The following ORC1 variants were observed in gnomAD, a reference collection of about 807,000 sequenced individuals.
ORC1 encodes origin recognition complex, subunit 1 homolog.
ORC1 carries 61 observed loss-of-function variants against 98.9 expected under a neutral mutation model. The observed-to-expected ratio is 0.62, with a 90% CI of 0.50 to 0.76. ORC1 has a LOEUF of 0.76. Among genes scored for constraint, ORC1 ranks in the 30% least tolerant of loss-of-function variants. ORC1 has a pLI of 0.00. For synonymous variants in ORC1, 385 were observed against 406.9 expected (o/e 0.95, Z 0.65); for missense variants, 979 against 1,072.2 (o/e 0.91, Z 1.21).
intron 15 of ORC1, 87 bp from the exon 16 acceptor site, chr1:52,374,984 T>C: frequency 1.2e-6 from 1 of 817,816 alleles, no homozygotes; most frequent in East Asian, 2.6e-5. Context: ...TCTGTGTCTT[T>C]AGAAAAGAGA....
chr1:52,397,686 C>T lies in ORC1; in HGVS notation c.401G>A (p.Arg134Gln), dbSNP rs774848454. Residue 134 changes from arginine to glutamine, a missense_variant and splice_region_variant, in exon 4 of 17, where the codon CGG becomes CAG. Arg to Gln is a conservative substitution (Grantham distance 43). Transcript: ENST00000371568. ...INAETIIGLV[R>Q]VIPLAPKDVV... ...ACCAAGGATGGTGGCATCACCTACC[C>T]GAACAAGGCCAATGATGGTCTCCGC... 6 of 1,614,066 alleles carry T rather than the reference C, an allele frequency of 3.7e-6. No homozygotes were observed. The highest frequency in any genetic ancestry group is 1.7e-6 in the Non-Finnish European group (2 of 1,179,950).
chr1:52,402,547 G>C (rs1462749730), intron 1 of ORC1, among the ~76,000 whole-genome samples: 2 of 152,178 alleles, frequency 1.3e-5, no homozygotes, highest in African/African-American at 4.8e-5. Flanking sequence ...AGAACAATAG[G>C]TGTAAAACAT....
chr1:52,379,259 T>C (rs891227426), intron 14 of ORC1, among the ~76,000 whole-genome samples: 32 of 149,898 alleles, frequency 2.1e-4, no homozygotes, highest in East Asian at 2.0e-3. Flanking sequence ...TTTTTTTTTT[T>C]CTGAGACGGA....
At chr1:52,409,310 T>C (rs1215628217), upstream of ORC1, among the ~76,000 whole-genome samples, 1 of 152,066 alleles carries the variant, frequency 6.6e-6, no homozygotes, top group Non-Finnish European at 1.5e-5. Flanking sequence ...CATTAAACAG[T>C]AGAAGGTTAA....
intron 13 of ORC1, 108 bp downstream of exon 13, chr1:52,383,312 G>C: frequency 7.4e-7 from 1 of 1,347,100 alleles, no homozygotes; most frequent in Admixed American, 1.7e-5. Flanking sequence ...GCCTCCCAAA[G>C]TGCGGGGTTT....
rs767264406 is a variant in ORC1, at chr1:52,373,231, G to A, written c.2536C>T (p.Arg846Trp). The change falls in exon 17 of 17, where the codon CGG becomes TGG. Residue 846 changes from arginine to tryptophan, a missense_variant. Transcript: ENST00000371568. ...ACATCATCCTGGCTGACGTTGAGCCGCACCCGAAGGAGCAGATCGTTCCTG... is the reference window on the plus strand; with the variant it reads ...ACATCATCCTGGCTGACGTTGAGCCACACCCGAAGGAGCAGATCGTTCCTG... The part of the protein sequence containing the change: ...PSRNDLLLRV[R>W]LNVSQDDVLY... The A allele has an allele frequency of 1.7e-5, 27 of 1,614,056 alleles. No homozygotes were observed. Among genetic ancestry groups the A allele is most frequent in the Admixed American group, 1.2e-4 (7 of 60,000 alleles).
At chr1:52,391,334 T>G (rs554921553) in intron 6 of ORC1, among the ~76,000 whole-genome samples, 2 of 145,678 alleles carry the variant, frequency 1.4e-5, no homozygotes, top group East Asian at 4.0e-4. Flanking sequence ...AAAAAAAATC[T>G]AGATGATAAC....
At chr1:52,401,606 C>G (rs1346502371) in intron 2 of ORC1, 117 bp from the exon 3 acceptor site, 1 of 1,236,912 alleles carries the variant, frequency 8.1e-7, no homozygotes, top group Non-Finnish European at 1.2e-6. Flanking sequence ...CTGACCAACT[C>G]TCCTACTGGG....
chr1:52,405,256 T>G (rs1477102995), upstream of ORC1, among the ~76,000 whole-genome samples: 1 of 152,212 alleles, frequency 6.6e-6, no homozygotes, highest in East Asian at 1.9e-4. Flanking sequence ...CTTACTATTC[T>G]TAGATCTGGG....
intron 14 of ORC1, among the ~76,000 whole-genome samples, chr1:52,380,724 A>AGGATCAT (rs1185262910): frequency 1.3e-5 from 2 of 152,162 alleles, no homozygotes; most frequent in African/African-American, 2.4e-5. Context: ...GCATAAAAAA[A>AGGATCAT]GGATCATTCA....
intron 14 of ORC1, among the ~76,000 whole-genome samples, chr1:52,380,293 G>A (rs1647045229): frequency 1.3e-5 from 2 of 152,224 alleles, no homozygotes; most frequent in Non-Finnish European, 2.9e-5. Context: ...TTACACCTGA[G>A]AGGACAACCA....
In ORC1 at chr1:52,388,512, G is replaced by T. The variant is rs181982557; in HGVS notation, c.1313C>A (p.Thr438Asn). Reference sequence around the variant, plus strand: ...GGAAGATCGCAGGTTCCTGGACACAGTTCTGGGTGCTCTCCTTGGAAGGGG... The same window carrying T: ...GGAAGATCGCAGGTTCCTGGACACATTTCTGGGTGCTCTCCTTGGAAGGGG... ...TPPLPRRAPR[T>N]VSRNLRSSLK... The change falls in exon 8 of 17, where the codon ACT becomes AAT. Residue 438 changes from threonine to asparagine, a missense_variant. Thr to Asn is a moderately conservative substitution (Grantham distance 65, BLOSUM62 0). Transcript: ENST00000371568. The T allele has an allele frequency of 1.9e-6, 3 of 1,614,180 alleles. No homozygotes were observed. Among genetic ancestry groups the T allele is most frequent in the Admixed American group, 3.3e-5 (2 of 60,026 alleles).
intron 14 of ORC1, among the ~76,000 whole-genome samples, chr1:52,379,302 G>A (rs1409153752): frequency 7.3e-5 from 11 of 149,742 alleles, no homozygotes; most frequent in South Asian, 6.4e-4. Flanking sequence ...GGAGTGCAGC[G>A]GTGCGATCTC....
intron 5 of ORC1, among the ~76,000 whole-genome samples, chr1:52,394,071 A>G (rs557609000): frequency 1.1e-4 from 17 of 152,326 alleles, no homozygotes; most frequent in Admixed American, 6.5e-4. Flanking sequence ...CTCATCTCTA[A>G]CAGGTTTCCC....
intron 6 of ORC1, among the ~76,000 whole-genome samples, chr1:52,391,424 A>G (rs2147934485): frequency 6.6e-6 from 1 of 152,324 alleles, no homozygotes; most frequent in Non-Finnish European, 1.5e-5. Context: ...CAAAAACAAC[A>G]ATAAATAAAT....
At chr1:52,395,998 A>T (rs545312523) in intron 5 of ORC1, 48 bp downstream of exon 5, 2 of 1,613,424 alleles carry the variant, frequency 1.2e-6, no homozygotes, top group South Asian at 2.2e-5. Context: ...TTTATCACAT[A>T]ACCCTTTAGC....
intron 5 of ORC1, among the ~76,000 whole-genome samples, chr1:52,394,438 C>T (rs72899839): frequency 0.06 from 9,124 of 152,178 alleles, 294 homozygotes; most frequent in African/African-American, 0.083. Flanking sequence ...CTGGTTCCAA[C>T]ACAAAAAACA....
chr1:52,393,875 A>C, intron 5 of ORC1, 72 bp from the exon 6 acceptor site: 1 of 1,513,722 alleles, frequency 6.6e-7, no homozygotes, highest in Non-Finnish European at 9.1e-7. Context: ...ATCACAGCCA[A>C]ATTCAGCCAC....
chr1:52,376,341 C>T (rs1294807126), intron 14 of ORC1, among the ~76,000 whole-genome samples: 1 of 152,108 alleles, frequency 6.6e-6, no homozygotes, highest in Non-Finnish European at 1.5e-5. Context: ...ATGGTGAAAC[C>T]CTATCTCTAC....
Sources: gnomAD v4.1 joint callset for allele counts (sites outside exome capture counted in the v4.1 genomes callset) on GRCh38, gnomAD v4.1.1 for gene constraint, MANE v1.5 for transcripts, NCBI Gene and HGNC (gene_info 2026-07-23, HGNC 2026-07-21) for gene names.